The following RTL4 variants were observed in gnomAD, a reference collection of about 807,000 sequenced individuals.
RTL4 encodes retrotransposon Gag-like protein 4.
Under a neutral mutation model 5.3 loss-of-function variants are expected in RTL4, and 4 were observed. The ratio of observed to expected loss-of-function variants is 0.75; its 90% CI spans 0.37 to 1.72. RTL4 has a LOEUF of 1.72. Ranked by LOEUF, RTL4 falls within the 40% of genes most tolerant of loss-of-function variation. The pLI, the probability that RTL4 is intolerant of heterozygous loss-of-function variation, is 0.04. For missense variants in RTL4, 260 were observed against 227.1 expected (o/e 1.14, Z -0.93); for synonymous variants, 98 against 87.3 (o/e 1.12, Z -0.68).
chrX:112,148,161 G>T, the RTL4 span, among the ~76,000 whole-genome samples: 1 of 109,788 alleles, frequency 9.1e-6, no homozygotes, highest in Non-Finnish European at 1.9e-5. Flanking sequence ...CAGGATCTTG[G>T]TGCTTCCTGC....
chrX:112,333,197 T>C, the RTL4 span, among the ~76,000 whole-genome samples: 2 of 110,982 alleles, frequency 1.8e-5, no homozygotes, highest in Non-Finnish European at 3.8e-5. Flanking sequence ...GTGACTCTTG[T>C]TGAGAAGAAC....
chrX:112,336,009 A>AT, the RTL4 span, among the ~76,000 whole-genome samples: 1 of 109,472 alleles, frequency 9.1e-6, no homozygotes, highest in Admixed American at 9.8e-5. Context: ...CGCCTGGCTA[A>AT]TTTTTTGTAT....
chrX:112,363,700 C>T, the RTL4 span, among the ~76,000 whole-genome samples: 1,598 of 111,285 alleles, frequency 0.014, 33 homozygotes, highest in African/African-American at 0.049. Context: ...CCCATTTTTG[C>T]TGCTATTTTT....
chrX:112,424,929 C>G, the RTL4 span, among the ~76,000 whole-genome samples: 25 of 110,946 alleles, frequency 2.3e-4, no homozygotes. Flanking sequence ...TACATTGATG[C>G]ATTATTATCA....
chrX:112,124,725 C>T, the RTL4 span, among the ~76,000 whole-genome samples: 1 of 110,079 alleles, frequency 9.1e-6, no homozygotes, highest in East Asian at 2.9e-4. Flanking sequence ...TCAATAGGCA[C>T]AGCAAACCAC....
the RTL4 span, among the ~76,000 whole-genome samples, chrX:112,172,572 G>A: frequency 9.0e-6 from 1 of 111,394 alleles, no homozygotes; most frequent in African/African-American, 3.3e-5. Flanking sequence ...ATTATTAATA[G>A]TTCAACCACG....
At chrX:112,309,900 A>ATG in the RTL4 span, among the ~76,000 whole-genome samples, 11 of 103,660 alleles carry the variant, frequency 1.1e-4, no homozygotes, top group Admixed American at 3.2e-4. Flanking sequence ...ACACACATAT[A>ATG]TGTGTGTGTG....
chrX:112,259,627 G>A, the RTL4 span, among the ~76,000 whole-genome samples: 1 of 110,835 alleles, frequency 9.0e-6, no homozygotes, highest in East Asian at 2.9e-4. Flanking sequence ...CCAGTTTTCT[G>A]TTTCCTTGTC....
At chrX:112,316,758 A>G in the RTL4 span, among the ~76,000 whole-genome samples, 2 of 111,828 alleles carry the variant, frequency 1.8e-5, no homozygotes, top group Non-Finnish European at 3.8e-5. Context: ...CCAGAGAAGC[A>G]AACTGCCTTT....
the RTL4 span, among the ~76,000 whole-genome samples, chrX:112,262,497 C>A: frequency 8.9e-6 from 1 of 111,951 alleles, no homozygotes; most frequent in Admixed American, 9.4e-5. Context: ...CAATGAGATA[C>A]CACCTCACAC....
At chrX:112,084,495 A>C in the RTL4 span, among the ~76,000 whole-genome samples, 2 of 109,898 alleles carry the variant, frequency 1.8e-5, no homozygotes, top group Non-Finnish European at 3.8e-5. Context: ...AAGATTGGCC[A>C]AGAGGGTCGC....
At chrX:112,192,075 GTTTTT>G in the RTL4 span, among the ~76,000 whole-genome samples, 3 of 78,944 alleles carry the variant, frequency 3.8e-5, no homozygotes, top group Non-Finnish European at 7.3e-5. Context: ...AAATACTAGG[GTTTTT>G]TTTTTTTTTT....
the RTL4 span, among the ~76,000 whole-genome samples, chrX:112,111,078 C>G: frequency 9.0e-6 from 1 of 111,713 alleles, no homozygotes; most frequent in African/African-American, 3.3e-5. Flanking sequence ...TTTAAATTTA[C>G]CCTGACTTTT....
chrX:112,137,282 A>AAATC, the RTL4 span, among the ~76,000 whole-genome samples: 1 of 112,317 alleles, frequency 8.9e-6, no homozygotes, highest in Non-Finnish European at 1.9e-5. Flanking sequence ...AAGGAAATTC[A>AAATC]AATCAAAACC....
At chrX:112,176,214 G>T in the RTL4 span, among the ~76,000 whole-genome samples, 3 of 111,823 alleles carry the variant, frequency 2.7e-5, no homozygotes, top group Non-Finnish European at 3.8e-5. Flanking sequence ...ACTGCTCGAT[G>T]AAATAAAAGA....
the RTL4 span, among the ~76,000 whole-genome samples, chrX:112,408,798 C>T: frequency 4.5e-5 from 5 of 112,117 alleles, no homozygotes; most frequent in Non-Finnish European, 9.4e-5. Context: ...TACAATGGAG[C>T]GCCAGTATGT....
the RTL4 span, among the ~76,000 whole-genome samples, chrX:112,182,567 G>C: frequency 8.9e-6 from 1 of 111,885 alleles, no homozygotes; most frequent in Non-Finnish European, 1.9e-5. Context: ...AATGATATCA[G>C]AGATTGAAGA....
chrX:112,258,546 G>A, the RTL4 span, among the ~76,000 whole-genome samples: 4 of 111,380 alleles, frequency 3.6e-5, no homozygotes, highest in Non-Finnish European at 7.6e-5. Flanking sequence ...TCTGTGAACC[G>A]TATGTCCATG....
chrX:112,133,206 A>T, the RTL4 span, among the ~76,000 whole-genome samples: 1 of 112,063 alleles, frequency 8.9e-6, no homozygotes, highest in African/African-American at 3.2e-5. Flanking sequence ...CTTCTGTAAC[A>T]TGAAGTGATT....
Sources: allele counts gnomAD v4.1 joint callset (sites outside exome capture counted in the v4.1 genomes callset), GRCh38; gene constraint gnomAD v4.1.1; transcripts MANE v1.5; gene names NCBI Gene and HGNC (gene_info 2026-07-23, HGNC 2026-07-21).